The following SRGAP2B variants were observed in gnomAD, a reference collection of about 807,000 sequenced individuals.
The protein encoded by SRGAP2B is SLIT-ROBO Rho GTPase-activating protein 2B.
Under a neutral mutation model 22.2 loss-of-function variants are expected in SRGAP2B, and 9 were observed. That is an observed-to-expected ratio of 0.41 (90% CI 0.24 to 0.71). SRGAP2B has a LOEUF of 0.71. SRGAP2B is among the 30% of genes least tolerant of loss of function. The pLI is 0.35. For synonymous variants in SRGAP2B, 36 were observed against 87.4 expected (o/e 0.41, Z 3.28); for missense variants, 114 against 235.8 (o/e 0.48, Z 3.38).
rs1553627804 is a variant in SRGAP2B, at chr1:145,042,539, T to C, written c.68-47339A>G. 7.1e-5 allele frequency among the ~76,000 whole-genome samples: 4 copies of C among 56,560 alleles called. No homozygotes were observed. The South Asian group carries it at 1.5e-3, about 22-fold the overall frequency. 37.1% of individuals were successfully genotyped at this position (56,560 alleles called of 152,430 possible). A position where few individuals can be genotyped will look rare whatever the true frequency, so the allele number is the denominator to read the frequency against. On this transcript the variant is annotated intron_variant, in intron 2 of 9. Transcript: ENST00000612199. ...TTCTAGGGAATACAGACTCCCAATT[T>C]GTTCAGCTGGGAAGTAAGGAGGGAA...
chr1:144,904,087 C>T (rs1662808566), intron 7 of SRGAP2B, among the ~76,000 whole-genome samples: 1 of 146,294 alleles, frequency 6.8e-6, no homozygotes, highest in South Asian at 2.2e-4. Context: ...TAACCGCTTT[C>T]CTCAATCCCC....
intron 2 of SRGAP2B, among the ~76,000 whole-genome samples, chr1:145,030,815 G>T (rs1285204412): frequency 1.9e-3 from 42 of 22,294 alleles, no homozygotes; most frequent in African/African-American, 0.011. Context: ...AATCATATTT[G>T]CATGGAAGAA....
rs1241446232 is a variant in SRGAP2B at position 144,990,591 on chromosome 1, C to G, written c.260+4417G>C. ...GCCTCCCCCCTGCACTGTGGGAGCC[C>G]CTTTCTGGGCTGGCCAAGGCTGGAG... On this transcript the variant is annotated intron_variant, in intron 3 of 9. Transcript: ENST00000612199. Among the ~76,000 whole-genome samples, 1,386 of 140,336 alleles carry G rather than the reference C, an allele frequency of 9.9e-3. 56 individuals carry two copies. The highest frequency in any genetic ancestry group is 0.037 in the African/African-American group (1,314 of 35,156). 92.1% of individuals were successfully genotyped at this position (140,336 alleles called of 152,430 possible).
intron 4 of SRGAP2B, among the ~76,000 whole-genome samples, chr1:144,944,843 T>C (rs1323009345): frequency 6.8e-6 from 1 of 146,614 alleles, no homozygotes; most frequent in East Asian, 2.0e-4. Flanking sequence ...TCCTGCAAAC[T>C]CCACCTTCCG....
At chr1:144,950,683 A>C (rs1436038083) in intron 4 of SRGAP2B, among the ~76,000 whole-genome samples, 1 of 145,894 alleles carries the variant, frequency 6.9e-6, no homozygotes, top group Non-Finnish European at 1.5e-5. Flanking sequence ...TCTATAACTA[A>C]GTGAAATATC....
At chr1:144,926,588 G>C (rs1265252458) in intron 4 of SRGAP2B, among the ~76,000 whole-genome samples, 1 of 151,350 alleles carries the variant, frequency 6.6e-6, no homozygotes, top group East Asian at 1.9e-4. Context: ...CTGGTGTGGT[G>C]GCTCATGCCT....
chr1:145,014,045 T>C (rs368270047), intron 2 of SRGAP2B, among the ~76,000 whole-genome samples: 6 of 147,404 alleles, frequency 4.1e-5, no homozygotes, highest in African/African-American at 1.3e-4. Flanking sequence ...CTCAAGCCTA[T>C]AATCCCAGCA....
chr1:144,898,847 T>C (rs1402239999), intron 7 of SRGAP2B, among the ~76,000 whole-genome samples: 61 of 142,922 alleles, frequency 4.3e-4, no homozygotes, highest in African/African-American at 1.5e-3. Context: ...ACAACTTAAC[T>C]AGAGGCAGAG....
At chr1:144,905,720 C>G (rs1256584385) in intron 6 of SRGAP2B, 139 bp downstream of exon 6, 3 of 665,084 alleles carry the variant, frequency 4.5e-6, no homozygotes, top group African/African-American at 1.9e-5. Flanking sequence ...CAGAGCAAGG[C>G]CTCATTTTCA....
rs1396552140 is a variant in SRGAP2B, at chr1:144,913,096, T to A, written c.486+1596A>T. On this transcript the variant is annotated intron_variant, in intron 5 of 9. Coordinates refer to ENST00000612199, the Ensembl canonical transcript of SRGAP2B. ...CACAGCTTACGCCCTTTCACTTATT[T>A]TTTTTTTTTTTAAAGCACAGCATAT... Among the ~76,000 whole-genome samples, 150 of 148,372 alleles carry A rather than the reference T, an allele frequency of 1.0e-3. 4 individuals are homozygous for A. The highest frequency in any genetic ancestry group is 1.8e-3 in the Non-Finnish European group (119 of 67,722).
At chr1:144,943,532 G>A (rs2474127) in intron 4 of SRGAP2B, among the ~76,000 whole-genome samples, 10,334 of 84,748 alleles carry the variant, frequency 0.12, 2 homozygotes, top group East Asian at 0.15. Flanking sequence ...AAGGAAGGGA[G>A]GGAGGAAACA....
chr1:145,017,255 A>G (rs1672492713), intron 2 of SRGAP2B, among the ~76,000 whole-genome samples: 1 of 150,150 alleles, frequency 6.7e-6, no homozygotes, highest in South Asian at 2.1e-4. Context: ...TATGTTTGCC[A>G]GTATTTTTTA....
chr1:144,920,981 A>C (rs1257840468), intron 4 of SRGAP2B, among the ~76,000 whole-genome samples: 1 of 149,490 alleles, frequency 6.7e-6, no homozygotes, highest in Non-Finnish European at 1.5e-5. Context: ...TAAGCAATAA[A>C]GAGTCCATCA....
chr1:144,994,352 C>G (rs1291207613), intron 3 of SRGAP2B, among the ~76,000 whole-genome samples: 2 of 139,062 alleles, frequency 1.4e-5, no homozygotes, highest in South Asian at 2.4e-4. Flanking sequence ...CACTGGGAAC[C>G]AAGTGAATGG....
chr1:144,983,844 G>A (rs1364684420), intron 3 of SRGAP2B, among the ~76,000 whole-genome samples: 14 of 150,218 alleles, frequency 9.3e-5, no homozygotes, highest in African/African-American at 1.3e-4. Context: ...CTCTGTGCAC[G>A]TGTGCAAATC....
At chr1:144,993,287 C>A (rs1670403606) in intron 3 of SRGAP2B, among the ~76,000 whole-genome samples, 1 of 151,168 alleles carries the variant, frequency 6.6e-6, no homozygotes, top group African/African-American at 2.5e-5. Context: ...TGTCAATGTG[C>A]ACACAAATCA....
intron 2 of SRGAP2B, among the ~76,000 whole-genome samples, chr1:145,039,478 T>TAA (rs375381021): frequency 6.8e-6 from 1 of 146,524 alleles, no homozygotes; most frequent in Non-Finnish European, 1.5e-5. Context: ...CTGTCTCTTT[T>TAA]AAAAAAAAAA....
intron 3 of SRGAP2B, among the ~76,000 whole-genome samples, chr1:144,960,438 T>C (rs1667580746): frequency 6.6e-6 from 1 of 150,496 alleles, no homozygotes; most frequent in African/African-American, 2.5e-5. Flanking sequence ...CTGAAAGAGA[T>C]AAACCTGCAT....
chr1:145,012,335 C>A (rs1329830167), intron 2 of SRGAP2B, among the ~76,000 whole-genome samples: 4 of 149,060 alleles, frequency 2.7e-5, no homozygotes, highest in Non-Finnish European at 5.9e-5. Flanking sequence ...GGATTTGGAA[C>A]AATTTATTGC....
Sources: gnomAD v4.1 joint callset for allele counts (sites outside exome capture counted in the v4.1 genomes callset) on GRCh38, gnomAD v4.1.1 for gene constraint, MANE v1.5 for transcripts, NCBI Gene and HGNC (gene_info 2026-07-23, HGNC 2026-07-21) for gene names.